Variants in THSD7A observed in about 807,000 individuals in gnomAD.
THSD7A encodes the protein thrombospondin type 1 domain containing 7A.
Under a neutral mutation model 231.3 loss-of-function variants are expected in THSD7A, and 96 were observed. The ratio of observed to expected loss-of-function variants is 0.41; its 90% CI spans 0.35 to 0.49. The LOEUF (loss-of-function observed/expected upper bound fraction) is 0.49. THSD7A is among the 20% of genes least tolerant of loss of function. THSD7A has a pLI of 0.05. For synonymous variants in THSD7A, 940 were observed against 743.3 expected (o/e 1.26, Z -4.30); for missense variants, 2,290 against 2,070.2 (o/e 1.11, Z -2.06).
At chr7:11,785,839 T>C (rs1435315932) in intron 1 of THSD7A, among the ~76,000 whole-genome samples, 1 of 152,096 alleles carries the variant, frequency 6.6e-6, no homozygotes, top group Non-Finnish European at 1.5e-5. Context: ...ACTTAAAGAA[T>C]AAAATAATAG....
chr7:11,822,695 A>G (rs1196556097), intron 1 of THSD7A, among the ~76,000 whole-genome samples: 4 of 152,040 alleles, frequency 2.6e-5, no homozygotes, highest in African/African-American at 9.7e-5. Context: ...GCACTTTTCC[A>G]TATACCTGTT....
intron 1 of THSD7A, among the ~76,000 whole-genome samples, chr7:11,701,194 G>T (rs1194656652): frequency 6.6e-6 from 1 of 151,102 alleles, no homozygotes; most frequent in Non-Finnish European, 1.5e-5. Context: ...GTGTGTGTGT[G>T]TTTTATGAGG....
At chr7:11,390,647 G>A (rs1180888925) in intron 23 of THSD7A, among the ~76,000 whole-genome samples, 6 of 152,194 alleles carry the variant, frequency 3.9e-5, no homozygotes, top group African/African-American at 1.4e-4. Flanking sequence ...GTGAGGAGGT[G>A]TGATCCTTTG....
At chr7:11,735,355 G>A (rs571394656) in intron 1 of THSD7A, among the ~76,000 whole-genome samples, 3 of 151,944 alleles carry the variant, frequency 2.0e-5, no homozygotes, top group African/African-American at 4.8e-5. Flanking sequence ...GAAATGCTCC[G>A]AAATAGAAAA....
At chr7:11,670,046 T>C (rs572624550) in intron 1 of THSD7A, among the ~76,000 whole-genome samples, 1 of 152,180 alleles carries the variant, frequency 6.6e-6, no homozygotes, top group South Asian at 2.1e-4. Context: ...AAAAACAATA[T>C]AAGTTGCAAT....
intron 1 of THSD7A, among the ~76,000 whole-genome samples, chr7:11,711,777 G>A (rs1780974165): frequency 6.6e-6 from 1 of 151,212 alleles, no homozygotes; most frequent in Non-Finnish European, 1.5e-5. Flanking sequence ...TGCTGCACAA[G>A]AGAAGTATGG....
At chr7:11,718,863 A>G (rs1016272036) in intron 1 of THSD7A, among the ~76,000 whole-genome samples, 1 of 151,672 alleles carries the variant, frequency 6.6e-6, no homozygotes, top group African/African-American at 2.4e-5. Flanking sequence ...ATTTTATTAC[A>G]GTATTTTTCT....
intron 1 of THSD7A, among the ~76,000 whole-genome samples, chr7:11,777,956 C>T (rs1783476433): frequency 1.3e-5 from 2 of 148,314 alleles, no homozygotes; most frequent in South Asian, 2.2e-4. Flanking sequence ...GAGACCATCC[C>T]GGCTAAAACG....
chr7:11,476,818 GAAA>G (rs1332378526), intron 7 of THSD7A, among the ~76,000 whole-genome samples: 1 of 83,900 alleles, frequency 1.2e-5, no homozygotes, highest in Non-Finnish European at 2.6e-5. Flanking sequence ...CCGTCTCAGA[GAAA>G]AAAAAAAAAA....
intron 6 of THSD7A, among the ~76,000 whole-genome samples, chr7:11,533,073 A>C (rs751488): frequency 6.6e-6 from 1 of 152,192 alleles, no homozygotes; most frequent in African/African-American, 2.4e-5. Flanking sequence ...TGTGTGAAAA[A>C]CAGTGATGGA....
chr7:11,455,146 T>G (rs947936709), intron 11 of THSD7A, among the ~76,000 whole-genome samples: 1 of 152,020 alleles, frequency 6.6e-6, no homozygotes, highest in Non-Finnish European at 1.5e-5. Context: ...TTGTTTTTTC[T>G]CTGCCATGTA....
rs11982480 is a variant in THSD7A at position 11,498,534 on chromosome 7, G to T, written c.1823-16552C>A. ...GGGTGGGCCACCATCTTTGCTGTTG[G>T]TGACTTAGCTGTTCCAGCCTTTGGC... On this transcript the variant is annotated intron_variant, in intron 6 of 27. Transcript: ENST00000423059. Among the ~76,000 whole-genome samples, 641 of 152,284 alleles carry T rather than the reference G, an allele frequency of 4.2e-3. 7 individuals carry two copies. Among genetic ancestry groups the T allele is most frequent in the African/African-American group, 0.014 (595 of 41,576 alleles).
At chr7:11,467,958 C>G (rs1485339583) in intron 9 of THSD7A, among the ~76,000 whole-genome samples, 1 of 151,842 alleles carries the variant, frequency 6.6e-6, no homozygotes, top group Non-Finnish European at 1.5e-5. Flanking sequence ...ACTCTGGAAT[C>G]AATTTAATAA....
intron 1 of THSD7A, among the ~76,000 whole-genome samples, chr7:11,718,900 G>A (rs1781242731): frequency 6.6e-6 from 1 of 151,108 alleles, no homozygotes; most frequent in African/African-American, 2.4e-5. Context: ...AACATATTAT[G>A]GATACTGTTG....
chr7:11,739,790 C>T (rs796622200), intron 1 of THSD7A, among the ~76,000 whole-genome samples: 3 of 151,948 alleles, frequency 2.0e-5, no homozygotes, highest in African/African-American at 7.2e-5. Flanking sequence ...CCTGTCGTAC[C>T]CTGCTTTCCC....
At chr7:11,729,523 A>C (rs1397965165) in intron 1 of THSD7A, among the ~76,000 whole-genome samples, 1 of 151,802 alleles carries the variant, frequency 6.6e-6, no homozygotes, top group Non-Finnish European at 1.5e-5. Context: ...AAGCAAACAA[A>C]AAACACGATC....
chr7:11,688,296 G>A (rs1403995403), intron 1 of THSD7A, among the ~76,000 whole-genome samples: 1 of 151,762 alleles, frequency 6.6e-6, no homozygotes, highest in Non-Finnish European at 1.5e-5. Flanking sequence ...ATTCTAAACA[G>A]TACTAATGCC....
intron 1 of THSD7A, among the ~76,000 whole-genome samples, chr7:11,798,612 A>G (rs1305382586): frequency 6.6e-6 from 1 of 152,176 alleles, no homozygotes; most frequent in Non-Finnish European, 1.5e-5. Context: ...TTTGAACAAT[A>G]TTGTCATTTT....
At chr7:11,567,787 G>A (rs1790427405) in intron 4 of THSD7A, among the ~76,000 whole-genome samples, 1 of 152,118 alleles carries the variant, frequency 6.6e-6, no homozygotes. Context: ...AGTCAGACCA[G>A]TTTTGCATAT....
Sources: gnomAD v4.1 joint callset for allele counts (sites outside exome capture counted in the v4.1 genomes callset) on GRCh38, gnomAD v4.1.1 for gene constraint, MANE v1.5 for transcripts, NCBI Gene and HGNC (gene_info 2026-07-23, HGNC 2026-07-21) for gene names.